The following TLE3 variants were observed in gnomAD, a reference collection of about 807,000 sequenced individuals.
TLE3 encodes TLE family member 3, transcriptional corepressor, also known as transducin-like enhancer protein 3.
In TLE3, 14 loss-of-function variants were observed where a neutral mutation model predicts 93.0. The ratio of observed to expected loss-of-function variants is 0.15; its 90% CI spans 0.10 to 0.24. The LOEUF (loss-of-function observed/expected upper bound fraction) is 0.24, where lower values mean the gene tolerates loss of function less well. Among genes scored for constraint, TLE3 ranks in the 10% least tolerant of loss-of-function variants. The pLI, the probability that TLE3 is intolerant of heterozygous loss-of-function variation, is 1.00. For missense variants in TLE3, 693 were observed against 1,046.6 expected (o/e 0.66, Z 4.66); for synonymous variants, 451 against 425.0 (o/e 1.06, Z -0.75).
At position 70,095,645 on chromosome 15, in the gene TLE3, C is replaced by T; in HGVS notation, c.126-4G>A. ...CTTGTCGTACTCCACTTTGAGGCTGCGAGGGCAGGAGGAGCCGGCTCAGGC... is the reference window on the plus strand; with the variant it reads ...CTTGTCGTACTCCACTTTGAGGCTGTGAGGGCAGGAGGAGCCGGCTCAGGC... On this transcript the variant is annotated splice_polypyrimidine_tract_variant and splice_region_variant and intron_variant, in intron 2 of 19. Coordinates refer to ENST00000451782, the MANE Select transcript of TLE3 (RefSeq NM_001105192.3). The T allele has an allele frequency of 1.3e-6, 2 of 1,551,404 alleles. No individual in the cohort carries two copies. The highest frequency in any genetic ancestry group is 1.7e-6 in the Non-Finnish European group (2 of 1,146,856).
chr15:70,090,101 A>G (rs1302343036), intron 4 of TLE3, among the ~76,000 whole-genome samples: 1 of 152,316 alleles, frequency 6.6e-6, no homozygotes, highest in East Asian at 1.9e-4. Flanking sequence ...GCAACTAGAG[A>G]AAAGGGGTCC....
chr15:70,057,954 A>C (rs7175541), intron 12 of TLE3: 380,055 of 862,266 alleles, frequency 0.44, 86,830 homozygotes, highest in Middle Eastern at 0.59. Flanking sequence ...GACCCGTCTG[A>C]TGCTGCTTTC....
chr15:70,057,017 T>C (rs1298656778), intron 13 of TLE3, among the ~76,000 whole-genome samples: 1 of 152,202 alleles, frequency 6.6e-6, no homozygotes, highest in Admixed American at 6.5e-5. Flanking sequence ...CCTCCCAAAG[T>C]GCTGGGATTA....
At position 70,096,937 on chromosome 15, in the gene TLE3, C is replaced by T. The variant is rs2058596398; in HGVS notation, c.-139G>A. 1.0e-6 allele frequency: 1 copy of T among 994,696 alleles called. No individual in the cohort carries two copies. The highest frequency in any genetic ancestry group is 1.7e-5 in the African/African-American group (1 of 59,914). The allele number at this position is 994,696 out of a possible 1,614,324, so 61.6% of individuals were successfully genotyped here. A position where few individuals can be genotyped will look rare whatever the true frequency, so the allele number is the denominator to read the frequency against. On this transcript the variant is annotated 5_prime_UTR_variant, in exon 1 of 20. Coordinates refer to ENST00000451782, the MANE Select transcript of TLE3 (RefSeq NM_001105192.3). ...TCGCCCCCGGCCCCCCCAGCTCGTT[C>T]TCGCAGCGAAATCCCAGAGTCGGGC...
intron 4 of TLE3, among the ~76,000 whole-genome samples, chr15:70,090,525 A>C (rs763897890): frequency 1.2e-4 from 19 of 152,068 alleles, no homozygotes; most frequent in Non-Finnish European, 7.4e-5. Flanking sequence ...TGTACCTTGC[A>C]CCTTCACCGT....
At chr15:70,095,733 T>G (rs568959829) in intron 2 of TLE3, 92 bp from the exon 3 acceptor site, 3 of 1,447,146 alleles carry the variant, frequency 2.1e-6, no homozygotes, top group South Asian at 1.3e-5. Flanking sequence ...ACTTTTCCAC[T>G]TTCCTGACAC....
chr15:70,060,677 A>T, intron 8 of TLE3, 28 bp from the exon 9 acceptor site: 1 of 1,611,550 alleles, frequency 6.2e-7, no homozygotes, highest in Non-Finnish European at 8.5e-7. Context: ...GTTCGGGGTT[A>T]AAACTTTCTG....
Position 70,097,052 on chromosome 15 carries a change from C to G in TLE3, c.-254G>C. On this transcript the variant is annotated 5_prime_UTR_variant, in exon 1 of 20. Coordinates refer to ENST00000451782, the MANE Select transcript of TLE3 (RefSeq NM_001105192.3). ...CCGGGCGGCGGGCGCGGGCTTTGTG[C>G]GCCTAGGGCTCGGCGGGCAGCGGCC... is the stretch of plus-strand genomic sequence containing the variant. 5.8e-6 allele frequency: 3 copies of G among 515,662 alleles called. No homozygotes were observed. The highest frequency in any genetic ancestry group is 2.7e-5 in the South Asian group (1 of 37,268). 31.9% of individuals were successfully genotyped at this position (515,662 alleles called of 1,614,324 possible). A position where few individuals can be genotyped will look rare whatever the true frequency, so the allele number is the denominator to read the frequency against.
chr15:70,057,163 C>T (rs1339195100), intron 13 of TLE3, among the ~76,000 whole-genome samples: 1 of 152,220 alleles, frequency 6.6e-6, no homozygotes, highest in African/African-American at 2.4e-5. Context: ...TTCCTACCCC[C>T]CAGAGCTGGG....
At chr15:70,050,351 G>A (rs906790404) in intron 19 of TLE3, 147 bp from the exon 20 acceptor site, 6 of 655,802 alleles carry the variant, frequency 9.1e-6, no homozygotes, top group Non-Finnish European at 1.6e-5. Context: ...CTCCGACCTG[G>A]AGCACAGTGC....
Position 70,058,818 on chromosome 15 carries a change from G to A in TLE3, c.766-3C>T. On this transcript the variant is annotated splice_region_variant and splice_polypyrimidine_tract_variant and intron_variant, in intron 10 of 19. Coordinates refer to ENST00000451782, the MANE Select transcript of TLE3 (RefSeq NM_001105192.3). This position sits in a 1 kb window ranked among gnomAD's most constrained non-coding sequence, Gnocchi z 4.1. ...CTGACCCGGGGCGTTGCGGGGTCCT[G>A]AAAACACAAGTGATGCAGAGATGCA... 1 of 1,567,592 alleles carries A rather than the reference G, an allele frequency of 6.4e-7. No individual in the cohort carries two copies.
At chr15:70,069,524 C>T (rs946242417) in intron 6 of TLE3, among the ~76,000 whole-genome samples, 4 of 152,202 alleles carry the variant, frequency 2.6e-5, no homozygotes, top group African/African-American at 9.7e-5. Flanking sequence ...AAAGGAATCT[C>T]CCATGCAAAA....
chr15:70,079,410 TCCTGG>T (rs1567035287), intron 4 of TLE3: 2 of 425,306 alleles, frequency 4.7e-6, no homozygotes, highest in South Asian at 1.7e-5. Context: ...TGGGAGAACC[TCCTGG>T]TTCACCGTAA....
chr15:70,054,146 G>C, intron 16 of TLE3: 1 of 326,462 alleles, frequency 3.1e-6, no homozygotes, highest in Non-Finnish European at 5.6e-6. Context: ...CTGGGGCTCT[G>C]CTCCCAGACT....
intron 16 of TLE3, 150 bp downstream of exon 16, chr15:70,054,288 C>A: frequency 5.2e-6 from 6 of 1,144,084 alleles, no homozygotes; most frequent in Non-Finnish European, 6.1e-6. Flanking sequence ...GCAGGCGGAG[C>A]TGTCTTTTCA....
chr15:70,053,389 C>T lies in TLE3; in HGVS notation c.1827-15G>A, dbSNP rs1439376511. ...CCTGGAACTGCCTACGAAAGCCAAG[C>T]AGGGAGGAGGGTGAGTCCCGGGAAC... On this transcript the variant is annotated splice_polypyrimidine_tract_variant and intron_variant, in intron 16 of 19. Coordinates refer to ENST00000451782, the MANE Select transcript of TLE3 (RefSeq NM_001105192.3). 6.3e-7 allele frequency: 1 copy of T among 1,591,654 alleles called. No homozygotes were observed. The highest frequency in any genetic ancestry group is 2.3e-5 in the East Asian group (1 of 44,262).
intron 4 of TLE3, among the ~76,000 whole-genome samples, chr15:70,089,199 G>C (rs1302450613): frequency 2.0e-5 from 3 of 152,204 alleles, no homozygotes; most frequent in Non-Finnish European, 4.4e-5. Flanking sequence ...GCCAAGCAAA[G>C]CCCTCAGTGA....
intron 8 of TLE3, 88 bp downstream of exon 8, chr15:70,064,366 G>A: frequency 1.3e-6 from 2 of 1,534,270 alleles, no homozygotes; most frequent in Non-Finnish European, 1.8e-6. Context: ...CGACTGACTG[G>A]TCTCAGGCCC....
intron 6 of TLE3, among the ~76,000 whole-genome samples, chr15:70,073,657 G>A (rs1156766426): frequency 6.6e-6 from 1 of 152,224 alleles, no homozygotes; most frequent in East Asian, 1.9e-4. Flanking sequence ...CTGGGAAGCA[G>A]TGATCCTGTC....
Sources: gnomAD v4.1 joint callset for allele counts (sites outside exome capture counted in the v4.1 genomes callset) on GRCh38, gnomAD v4.1.1 for gene constraint, Gnocchi (gnomAD v3.1) non-coding constraint, MANE v1.5 for transcripts, NCBI Gene and HGNC (gene_info 2026-07-23, HGNC 2026-07-21) for gene names.